The following REXO2 variants were observed in gnomAD, a reference collection of about 807,000 sequenced individuals.
REXO2 encodes the protein RNA exonuclease 2.
REXO2 carries 17 observed loss-of-function variants against 30.9 expected under a neutral mutation model. The ratio of observed to expected loss-of-function variants is 0.55; its 90% CI spans 0.38 to 0.82. The LOEUF is 0.82. REXO2 is among the 40% of genes least tolerant of loss of function. The probability of loss-of-function intolerance (pLI) is 0.00; values close to 1 mark genes in which losing one functional copy is unlikely to be tolerated. For synonymous variants in REXO2, 105 were observed against 99.6 expected (o/e 1.05, Z -0.32); for missense variants, 253 against 293.2 (o/e 0.86, Z 1.00).
At chr11:114,444,289 T>C in intron 3 of REXO2, 2 of 625,014 alleles carry the variant, frequency 3.2e-6, no homozygotes, top group Admixed American at 4.4e-5. Flanking sequence ...GTTAATATCC[T>C]TGGACTTTGA....
Position 114,449,911 on chromosome 11 carries a change from A to G in REXO2, c.650A>G (p.Lys217Arg), listed in dbSNP as rs1268191704. 1.9e-6 allele frequency: 3 copies of G among 1,609,784 alleles called. No homozygotes were observed. The highest frequency in any genetic ancestry group is 2.2e-5 in the South Asian group (2 of 90,260). ...LQFYRNNIFK[K>R]KIDEKKRKII... ...TTTTACCGAAATAACATCTTCAAGAAAAAAATAGATGAAAAGAAGAGGAAA... is the reference window on the plus strand; with the variant it reads ...TTTTACCGAAATAACATCTTCAAGAGAAAAATAGATGAAAAGAAGAGGAAA... Residue 217 changes from lysine to arginine, a missense_variant, in exon 7 of 7, where the codon AAA becomes AGA. Transcript: ENST00000265881.
In REXO2 at chr11:114,449,841, T is replaced by G. The variant is rs1946534286; in HGVS notation, c.585-5T>G. ...GTTCATTCATTGTGGTATGTTTGCT[T>G]ATAGGGCACTTGATGACATTAGTGA... On this transcript the variant is annotated splice_region_variant and splice_polypyrimidine_tract_variant and intron_variant, in intron 6 of 6. Coordinates refer to ENST00000265881, the MANE Select transcript of REXO2 (RefSeq NM_015523.4). 3 of 1,606,726 alleles carry G rather than the reference T, an allele frequency of 1.9e-6. No homozygotes were observed. Among genetic ancestry groups the G allele is most frequent in the Non-Finnish European group, 2.5e-6 (3 of 1,176,676 alleles).
rs148257832 is a variant in REXO2, at chr11:114,442,300, T to C, written c.232-1556T>C. ...TTTTCTGTAGGTGTGGTCCCTTGGC[T>C]TGCTAAATAGGGATCTAAAATAGTT... On this transcript the variant is annotated intron_variant, in intron 2 of 6. Coordinates refer to ENST00000265881, the MANE Select transcript of REXO2 (RefSeq NM_015523.4). Among the ~76,000 whole-genome samples, 887 of 152,290 alleles carry C rather than the reference T, an allele frequency of 5.8e-3. 5 individuals are homozygous for C. The highest frequency in any genetic ancestry group is 0.02 in the African/African-American group (834 of 41,558).
intron 3 of REXO2, 29 bp from the exon 4 acceptor site, chr11:114,444,512 G>T: frequency 6.6e-7 from 1 of 1,512,462 alleles, no homozygotes; most frequent in Non-Finnish European, 9.1e-7. Flanking sequence ...ATGTGTTTTT[G>T]GTGGGGGGCT....
intron 4 of REXO2, 37 bp downstream of exon 4, chr11:114,444,689 A>G (rs748006715): frequency 2.3e-5 from 31 of 1,353,756 alleles, no homozygotes; most frequent in Admixed American, 7.4e-5. Context: ...ATAGTCTTCC[A>G]TATGTAGTGG....
intron 1 of REXO2, chr11:114,440,069 C>A: frequency 4.2e-6 from 2 of 477,982 alleles, no homozygotes; most frequent in Admixed American, 4.7e-5. Context: ...AGACGGGACT[C>A]CGGAGATGAC....
chr11:114,447,658 T>C (rs997721586), intron 5 of REXO2, among the ~76,000 whole-genome samples, 168 bp from the exon 6 acceptor site: 2 of 151,956 alleles, frequency 1.3e-5, no homozygotes, highest in Admixed American at 6.6e-5. Flanking sequence ...ATAGAAAATA[T>C]ATAGAAGAAA....
intron 3 of REXO2, chr11:114,444,284 T>C (rs112169035): frequency 0.013 from 8,219 of 626,662 alleles, 122 homozygotes; most frequent in Middle Eastern, 0.05. Flanking sequence ...CAGAGGTTAA[T>C]ATCCTTGGAC....
chr11:114,446,985 C>T (rs976073633), intron 5 of REXO2, among the ~76,000 whole-genome samples: 1 of 133,618 alleles, frequency 7.5e-6, no homozygotes, highest in Non-Finnish European at 1.5e-5. Context: ...GTCGCCCAGG[C>T]GGGAGTGCTG....
chr11:114,440,483 C>A (rs1946468949), intron 1 of REXO2, among the ~76,000 whole-genome samples, 173 bp from the exon 2 acceptor site: 1 of 152,106 alleles, frequency 6.6e-6, no homozygotes, highest in East Asian at 1.9e-4. Context: ...GTTGAATAAA[C>A]GAGGACTCGT....
intron 2 of REXO2, chr11:114,442,000 G>A (rs1481353179): frequency 1.8e-6 from 1 of 541,394 alleles, no homozygotes; most frequent in East Asian, 2.9e-5. Flanking sequence ...GGCCGAAGAA[G>A]AGTGTTTCCT....
Position 114,439,644 on chromosome 11 carries a change from T to G in REXO2, c.116T>G (p.Met39Arg). ...GGAAMAAGES[M>R]AQRMVWVDLE... is the part of the protein sequence containing the mutation. ...GCAGCCATGGCGGCAGGGGAGAGCA[T>G]GGCTCAGCGGATGGTCTGGGTGGAC... The change falls in exon 1 of 7, where the codon ATG becomes AGG. Residue 39 changes from methionine (M) to arginine (R), a missense_variant. By Grantham distance (91) the Met-to-Arg change is moderately conservative (BLOSUM62 -1). Coordinates refer to ENST00000265881, the MANE Select transcript of REXO2 (RefSeq NM_015523.4). 1 of 1,589,042 alleles carries G rather than the reference T, an allele frequency of 6.3e-7. No homozygotes were observed. The highest frequency in any genetic ancestry group is 1.7e-4 in the Middle Eastern group (1 of 5,722).
rs750765972 is a variant in REXO2, at chr11:114,443,847, C to T, written c.232-9C>T. On this transcript the variant is annotated splice_polypyrimidine_tract_variant and intron_variant, in intron 2 of 6. Transcript: ENST00000265881. ...TTTCTTGGTGACTGATGGCGTTTCC[C>T]ATCCACAGGGTCCTAACCTGATTAT... The T allele has an allele frequency of 3.1e-6, 5 of 1,599,538 alleles. No individual in the cohort carries two copies. The highest frequency in any genetic ancestry group is 4.3e-6 in the Non-Finnish European group (5 of 1,171,820).
Position 114,446,063 on chromosome 11 carries a change from T to C in REXO2, c.506T>C (p.Val169Ala). Residue 169 changes from valine to alanine, a missense_variant, in exon 5 of 7, where the codon GTG (valine) becomes GCG (alanine). Transcript: ENST00000265881. ...MKHLHYRIIDVSTVKELCRRW... is the reference protein window; with the variant it reads ...MKHLHYRIIDASTVKELCRRW... ...CATCTTCATTATAGAATAATTGATG[T>C]GAGCACTGTTAAAGAACTGTGCAGG... The C allele has an allele frequency of 6.3e-7, 1 of 1,596,654 alleles. No individual in the cohort carries two copies. Among genetic ancestry groups the C allele is most frequent in the Non-Finnish European group, 8.6e-7 (1 of 1,166,130 alleles).
chr11:114,445,881 A>G (rs995323988), intron 4 of REXO2, 98 bp from the exon 5 acceptor site: 2 of 740,862 alleles, frequency 2.7e-6, no homozygotes, highest in Admixed American at 4.4e-5. Context: ...TTTGAATTTT[A>G]AAAAATCATC....
chr11:114,447,822 A>G lies in REXO2; in HGVS notation c.531-4A>G, dbSNP rs1421539637. On this transcript the variant is annotated splice_region_variant and splice_polypyrimidine_tract_variant and intron_variant, in intron 5 of 6. Coordinates refer to ENST00000265881, the MANE Select transcript of REXO2 (RefSeq NM_015523.4). ...TTTGAGAGTTCCATTTCTGCTGTGT[A>G]TAGACGCTGGTATCCAGAAGAATAT... 9.3e-6 allele frequency: 15 copies of G among 1,613,016 alleles called. No individual in the cohort carries two copies. The highest frequency in any genetic ancestry group is 1.3e-5 in the Non-Finnish European group (15 of 1,179,556).
In REXO2 at chr11:114,449,889, T is replaced by TA; in HGVS notation, c.629dup (p.Tyr210Ter). ...ISESIKELQF[Y>*]RNNIFKKKID... ...TGAAAGCATCAAAGAGCTTCAGTTTTACCGAAATAACATCTTCAAGAAAAA... is the reference window on the plus strand; with the variant it reads ...TGAAAGCATCAAAGAGCTTCAGTTTTAACCGAAATAACATCTTCAAGAAAAA... Residue 210 changes from tyrosine to a stop codon, truncating the protein, a stop_gained and frameshift_variant, in exon 7 of 7, where the codon TAC becomes TAAC. Transcript: ENST00000265881. LOFTEE classifies it high-confidence loss of function. 1 of 1,609,848 alleles carries TA rather than the reference T, an allele frequency of 6.2e-7. No homozygotes were observed. The highest frequency in any genetic ancestry group is 8.5e-7 in the Non-Finnish European group (1 of 1,178,100).
At chr11:114,447,708 C>A in intron 5 of REXO2, 118 bp from the exon 6 acceptor site, 2 of 762,966 alleles carry the variant, frequency 2.6e-6, no homozygotes, top group Non-Finnish European at 4.2e-6. Flanking sequence ...GGCAAAGAAG[C>A]AACTTGAGAA....
intron 1 of REXO2, 54 bp from the exon 2 acceptor site, chr11:114,440,602 A>G: frequency 1.5e-6 from 2 of 1,369,324 alleles, no homozygotes; most frequent in Non-Finnish European, 2.1e-6. Flanking sequence ...AACTTGGGTA[A>G]AAGAGGCCAG....
Sources: allele counts gnomAD v4.1 joint callset (sites outside exome capture counted in the v4.1 genomes callset), GRCh38; gene constraint gnomAD v4.1.1; transcripts MANE v1.5; gene names NCBI Gene and HGNC (gene_info 2026-07-23, HGNC 2026-07-21).